The following TNPO3 variants were observed in gnomAD, a reference collection of about 807,000 sequenced individuals.
TNPO3 encodes the protein transportin-3.
In TNPO3, 65 loss-of-function variants were observed where a neutral mutation model predicts 122.8. The ratio of observed to expected loss-of-function variants is 0.53; its 90% CI spans 0.43 to 0.65. TNPO3 has a LOEUF of 0.65. Ranked by LOEUF, TNPO3 falls within the 30% of genes least tolerant of loss-of-function variation. The pLI, the probability that TNPO3 is intolerant of heterozygous loss-of-function variation, is 0.00. For synonymous variants in TNPO3, 372 were observed against 411.2 expected (o/e 0.90, Z 1.15); for missense variants, 850 against 1,136.7 (o/e 0.75, Z 3.63).
intron 16 of TNPO3, among the ~76,000 whole-genome samples, chr7:128,978,120 C>T (rs955393893): frequency 6.6e-6 from 1 of 152,196 alleles, no homozygotes. Flanking sequence ...ATCTTGTGCC[C>T]TAGGCACTGG....
rs1305150905 is a variant in TNPO3, at chr7:128,986,917, G to A, written c.1502C>T (p.Pro501Leu). 6.2e-7 allele frequency: 1 copy of A among 1,604,156 alleles called. No individual in the cohort carries two copies. Among genetic ancestry groups the A allele is most frequent in the Non-Finnish European group, 8.5e-7 (1 of 1,176,704 alleles). The change falls in exon 12 of 23, where the codon CCT (proline) becomes CTT (leucine). Residue 501 changes from proline (P) to leucine (L), a missense_variant. Transcript: ENST00000265388. ...VVDRNPQFLD[P>L]VLGYLMKGLC... Reference sequence around the variant, plus strand: ...GCCTTTCATCAAATAGCCCAACACAGGGTCTAAGAAGAAAAGCCAAGCAGA... The same window carrying A: ...GCCTTTCATCAAATAGCCCAACACAAGGTCTAAGAAGAAAAGCCAAGCAGA...
chr7:128,979,127 G>A lies in TNPO3; in HGVS notation c.1921-4C>T. 6.2e-7 allele frequency: 1 copy of A among 1,613,562 alleles called. No homozygotes were observed. ...TCTCGGATAAAACTGGCCATATCTG[G>A]GTCAAAAGTAAAAGAGCACAAGAAA... On this transcript the variant is annotated splice_region_variant and splice_polypyrimidine_tract_variant and intron_variant, in intron 15 of 22. Transcript: ENST00000265388.
chr7:129,006,106 T>C (rs1374618006), intron 4 of TNPO3, among the ~76,000 whole-genome samples: 2 of 152,164 alleles, frequency 1.3e-5, no homozygotes, highest in African/African-American at 4.8e-5. Flanking sequence ...TATAGCAGCA[T>C]GAGACTGGAC....
chr7:129,051,271 T>C (rs1455336963), intron 1 of TNPO3, among the ~76,000 whole-genome samples: 3 of 151,976 alleles, frequency 2.0e-5, no homozygotes, highest in East Asian at 1.9e-4. Flanking sequence ...GGTGACATTA[T>C]TTGATATTTT....
chr7:129,013,546 T>C (rs184431121), intron 4 of TNPO3, among the ~76,000 whole-genome samples: 1 of 152,252 alleles, frequency 6.6e-6, no homozygotes, highest in East Asian at 1.9e-4. Context: ...ACAGTCATTA[T>C]GAAAAACAGT....
Position 129,014,963 on chromosome 7 carries a change from T to C in TNPO3, c.552+16A>G. 6.4e-7 allele frequency: 1 copy of C among 1,555,200 alleles called. No homozygotes were observed. On this transcript the variant is annotated intron_variant, in intron 4 of 22. Coordinates refer to ENST00000265388, the MANE Select transcript of TNPO3 (RefSeq NM_012470.4). ...TCTGCCTTTATGCAGCAACTTAGTA[T>C]TTCAAACTTACTCACCAATAGAGAT...
intron 14 of TNPO3, among the ~76,000 whole-genome samples, chr7:128,980,929 C>T (rs1668752840): frequency 6.6e-6 from 1 of 152,130 alleles, no homozygotes; most frequent in African/African-American, 2.4e-5. Context: ...TCAAATACAA[C>T]TCCTCTGTCT....
chr7:129,038,227 G>T (rs536162676), intron 1 of TNPO3, among the ~76,000 whole-genome samples: 1 of 151,880 alleles, frequency 6.6e-6, no homozygotes, highest in East Asian at 1.9e-4. Flanking sequence ...TAAAAAATGG[G>T]AAGAAAAAAA....
At chr7:129,055,751 T>C (rs1809402694), upstream of TNPO3, 1 of 350,986 alleles carries the variant, frequency 2.8e-6, no homozygotes, top group Admixed American at 4.5e-5. Context: ...CCGAATCCAA[T>C]ACCAGTGGTC....
At chr7:129,024,380 G>A (rs902658397) in intron 1 of TNPO3, among the ~76,000 whole-genome samples, 1 of 152,154 alleles carries the variant, frequency 6.6e-6, no homozygotes, top group African/African-American at 2.4e-5. Flanking sequence ...AACTGAAGGA[G>A]CACAATCAGC....
intron 21 of TNPO3, among the ~76,000 whole-genome samples, chr7:128,959,547 A>G (rs1387258856): frequency 6.6e-6 from 1 of 152,184 alleles, no homozygotes; most frequent in Non-Finnish European, 1.5e-5. Flanking sequence ...CATGAGAAAA[A>G]GTATTGAAAC....
chr7:129,050,365 C>T (rs1438236735), intron 1 of TNPO3, among the ~76,000 whole-genome samples: 1 of 112,170 alleles, frequency 8.9e-6, no homozygotes. Flanking sequence ...GCCTGGGAGA[C>T]AGCGAGACTC....
At chr7:129,051,882 G>A (rs1031395227) in intron 1 of TNPO3, among the ~76,000 whole-genome samples, 5 of 152,186 alleles carry the variant, frequency 3.3e-5, no homozygotes, top group South Asian at 2.1e-4. Flanking sequence ...GACCTCAAGC[G>A]ATCCGCCCGC....
chr7:129,034,094 G>C (rs1226128228), intron 1 of TNPO3, among the ~76,000 whole-genome samples: 1 of 152,068 alleles, frequency 6.6e-6, no homozygotes, highest in Admixed American at 6.6e-5. Context: ...CAAAAGGAAG[G>C]AAATTCTGAC....
intron 1 of TNPO3, among the ~76,000 whole-genome samples, chr7:129,045,572 C>G (rs1807938518): frequency 6.6e-6 from 1 of 151,132 alleles, no homozygotes; most frequent in African/African-American, 2.4e-5. Flanking sequence ...TCTATAAAAC[C>G]TACTTTCCAT....
At chr7:129,017,713 G>A (rs1804003555) in intron 2 of TNPO3, among the ~76,000 whole-genome samples, 1 of 152,198 alleles carries the variant, frequency 6.6e-6, no homozygotes, top group Admixed American at 6.5e-5. Context: ...CTCTGACCTA[G>A]CATGCCTGTG....
rs533713016 is a variant in TNPO3, at chr7:128,959,866, C to T, written c.2712-2551G>A. Among the ~76,000 whole-genome samples the T allele has an allele frequency of 1.2e-3, 181 of 152,000 alleles. 2 individuals carry two copies. The highest frequency in any genetic ancestry group is 1.4e-3 in the Non-Finnish European group (94 of 67,982). ...GTGAAATCCATCTCCACTAAAAAGA[C>T]AAAAATTAGCCGTGTGTGGTGGTGG... On this transcript the variant is annotated intron_variant, in intron 21 of 22. Transcript: ENST00000265388.
At chr7:129,012,238 T>A (rs1047043101) in intron 4 of TNPO3, among the ~76,000 whole-genome samples, 1 of 151,964 alleles carries the variant, frequency 6.6e-6, no homozygotes, top group Non-Finnish European at 1.5e-5. Flanking sequence ...ACTCCTGACC[T>A]CAAGTAATCC....
At chr7:128,993,776 A>G (rs541591957) in intron 9 of TNPO3, 31 bp downstream of exon 9, 1 of 1,573,608 alleles carries the variant, frequency 6.4e-7, no homozygotes, top group African/African-American at 1.4e-5. Context: ...GGTGACTAGT[A>G]AAACTGGAAA....
Sources: allele counts gnomAD v4.1 joint callset (sites outside exome capture counted in the v4.1 genomes callset), GRCh38; gene constraint gnomAD v4.1.1; transcripts MANE v1.5; gene names NCBI Gene and HGNC (gene_info 2026-07-23, HGNC 2026-07-21).